Variants in RSF1 observed in about 807,000 individuals in gnomAD.
The protein encoded by RSF1 is remodeling and spacing factor 1.
A neutral mutation model predicts 145.2 loss-of-function variants in RSF1; 13 were observed. The observed-to-expected ratio is 0.09, with a 90% CI of 0.06 to 0.14. RSF1 has a LOEUF of 0.14. Ranked by LOEUF, RSF1 falls within the 10% of genes least tolerant of loss-of-function variation. The pLI is 1.00. For missense variants in RSF1, 1,517 were observed against 1,718.2 expected, an observed-to-expected ratio of 0.88 and a Z score of 2.07; for synonymous variants, 577 against 592.6, an observed-to-expected ratio of 0.97 and a Z score of 0.38.
chr11:77,739,817 T>G (rs1463238467), intron 4 of RSF1, among the ~76,000 whole-genome samples: 1 of 152,232 alleles, frequency 6.6e-6, no homozygotes, highest in Non-Finnish European at 1.5e-5. Context: ...ACACAAAGAT[T>G]CTGTAATAAC....
rs186643575 is a variant in RSF1, at chr11:77,672,415, G to A, written c.3563-185C>T. On this transcript the variant is annotated intron_variant, in intron 14 of 15. Coordinates refer to ENST00000308488, the MANE Select transcript of RSF1 (RefSeq NM_016578.4). ...ACTATCACACAGGCTGGAGTGCAGT[G>A]GCATGAACATGACTCACTACAGCCT... is the stretch of plus-strand genomic sequence containing the variant. Among the ~76,000 whole-genome samples, 927 of 152,216 alleles carry A rather than the reference G, an allele frequency of 6.1e-3. 3 individuals are homozygous for A. The highest frequency in any genetic ancestry group is 9.4e-3 in the Non-Finnish European group (637 of 68,014).
At chr11:77,815,831 C>CT (rs1412742375) in intron 1 of RSF1, among the ~76,000 whole-genome samples, 1 of 152,170 alleles carries the variant, frequency 6.6e-6, no homozygotes, top group East Asian at 1.9e-4. Context: ...AATAACCTCA[C>CT]TAATAAATGC....
At chr11:77,747,917 A>T (rs1948018776) in intron 2 of RSF1, among the ~76,000 whole-genome samples, 1 of 152,214 alleles carries the variant, frequency 6.6e-6, no homozygotes, top group Non-Finnish European at 1.5e-5. Context: ...GTAGGCAAAA[A>T]ATGATACAAA....
At chr11:77,700,349 CAAAAAAAAAAAAAAA>C (rs71046906) in intron 6 of RSF1, among the ~76,000 whole-genome samples, 10 of 47,196 alleles carry the variant, frequency 2.1e-4, no homozygotes, top group African/African-American at 6.2e-4. Flanking sequence ...GACTGTCTCA[CAAAAAAAAAAAAAAA>C]AAAAAAAAAA....
chr11:77,690,651 C>T (rs1308463998), intron 9 of RSF1, among the ~76,000 whole-genome samples: 1 of 152,082 alleles, frequency 6.6e-6, no homozygotes, highest in Non-Finnish European at 1.5e-5. Context: ...AGGCTGACCT[C>T]AGGTGATCTG....
At position 77,672,139 on chromosome 11, in the gene RSF1, T is replaced by C. The variant is rs376046663; in HGVS notation, c.3654A>G (p.Lys1218=). 77 of 1,614,046 alleles carry C rather than the reference T, an allele frequency of 4.8e-5. No individual in the cohort carries two copies. Among genetic ancestry groups the C allele is most frequent in the Non-Finnish European group, 6.3e-5 (74 of 1,180,026 alleles). The part of the protein sequence containing the change: ...RRNQKRQINY[K]EDSESDGSQK... ...GGGAACCGTCACTTTCTGAGTCTTC[T>C]TTGTAGTTAATTTGTCTTTTCTGAT... Residue 1218 remains lysine, a synonymous_variant, in exon 15 of 16, where the codon AAA becomes AAG. Transcript: ENST00000308488.
the RSF1 span, among the ~76,000 whole-genome samples, chr11:77,859,174 A>G: frequency 1.3e-5 from 2 of 152,292 alleles, no homozygotes; most frequent in East Asian, 3.9e-4. Context: ...GAGGTTCCCC[A>G]TTCTATTTCT....
At chr11:77,871,322 C>G in the RSF1 span, among the ~76,000 whole-genome samples, 8 of 152,176 alleles carry the variant, frequency 5.3e-5, no homozygotes, top group East Asian at 1.5e-3. Flanking sequence ...ATAGCTGTCA[C>G]TATTAAGAAC....
chr11:77,868,089 T>C, the RSF1 span, among the ~76,000 whole-genome samples: 3 of 150,646 alleles, frequency 2.0e-5, no homozygotes, highest in Non-Finnish European at 4.4e-5. Context: ...AGAGTCTCGT[T>C]CTATCGCCCA....
intron 5 of RSF1, among the ~76,000 whole-genome samples, chr11:77,705,222 A>G (rs184410877): frequency 6.6e-6 from 1 of 152,334 alleles, no homozygotes; most frequent in Admixed American, 6.5e-5. Context: ...ATTTTCCCAA[A>G]GTTTGTCAAA....
At chr11:77,864,222 TG>T in the RSF1 span, among the ~76,000 whole-genome samples, 1 of 151,798 alleles carries the variant, frequency 6.6e-6, no homozygotes, top group Non-Finnish European at 1.5e-5. Flanking sequence ...CCACCGCTCC[TG>T]GCCAAGATGA....
In RSF1 at chr11:77,660,348, T is replaced by C. The variant is rs1041113942; in HGVS notation, c.*6569A>G. ...TAAGCTACCAAGAATTCCCATACTT[T>C]TAATGCACAATTTACTTTGCGTGTT... On this transcript the variant is annotated 3_prime_UTR_variant, in exon 16 of 16. Coordinates refer to ENST00000308488, the MANE Select transcript of RSF1 (RefSeq NM_016578.4). 1 of 152,180 alleles carries C rather than the reference T, an allele frequency of 6.6e-6. No homozygotes were observed. Among genetic ancestry groups the C allele is most frequent in the African/African-American group, 2.4e-5 (1 of 41,454 alleles). 9.4% of individuals were successfully genotyped at this position (152,180 alleles called of 1,614,324 possible).
intron 5 of RSF1, among the ~76,000 whole-genome samples, chr11:77,706,432 TTTTTTC>T (rs1960552378): frequency 6.6e-6 from 1 of 152,186 alleles, no homozygotes; most frequent in Admixed American, 6.5e-5. Flanking sequence ...GTGAGGATTT[TTTTTTC>T]TTTTTATCTT....
the RSF1 span, among the ~76,000 whole-genome samples, chr11:77,867,585 A>C: frequency 6.6e-6 from 1 of 152,224 alleles, no homozygotes; most frequent in African/African-American, 2.4e-5. Flanking sequence ...GAATGAAAGG[A>C]TAGAGGTATA....
intron 8 of RSF1, among the ~76,000 whole-genome samples, chr11:77,692,826 T>G (rs1960190105): frequency 1.3e-5 from 2 of 152,004 alleles, no homozygotes; most frequent in South Asian, 4.2e-4. Context: ...TAAAGGCGTG[T>G]GCCACCACGC....
At chr11:77,798,618 A>C (rs1317236908) in intron 1 of RSF1, among the ~76,000 whole-genome samples, 1 of 139,066 alleles carries the variant, frequency 7.2e-6, no homozygotes, top group African/African-American at 2.7e-5. Context: ...AAAAAAAAAA[A>C]AAAAGGCACA....
upstream of RSF1, among the ~76,000 whole-genome samples, chr11:77,823,978 A>G (rs147518994): frequency 6.6e-6 from 1 of 152,214 alleles, no homozygotes; most frequent in Non-Finnish European, 1.5e-5. Flanking sequence ...CTGTTAGTCA[A>G]ACAGACTGAT....
rs67875187 is a variant in RSF1 at position 77,819,907 on chromosome 11, T to A, written c.187+621A>T. Among the ~76,000 whole-genome samples the A allele has an allele frequency of 8.0e-5, 12 of 150,898 alleles. No individual in the cohort carries two copies. The South Asian group carries it at 1.5e-3, about 18-fold the overall frequency. Reference sequence around the variant, plus strand: ...TGGGGGAGGAGCAGACCTCCCCACTTCAAGGAAGGAGTTTTAGGGGTTAAA... The same window carrying A: ...TGGGGGAGGAGCAGACCTCCCCACTACAAGGAAGGAGTTTTAGGGGTTAAA... On this transcript the variant is annotated intron_variant, in intron 1 of 15. Coordinates refer to ENST00000308488, the MANE Select transcript of RSF1 (RefSeq NM_016578.4).
At chr11:77,862,272 G>A in the RSF1 span, among the ~76,000 whole-genome samples, 1 of 152,172 alleles carries the variant, frequency 6.6e-6, no homozygotes, top group Non-Finnish European at 1.5e-5. Flanking sequence ...CTCTCGGGCT[G>A]CAGTTATGAT....
Sources: allele counts gnomAD v4.1 joint callset (sites outside exome capture counted in the v4.1 genomes callset), GRCh38; gene constraint gnomAD v4.1.1; transcripts MANE v1.5; gene names NCBI Gene and HGNC (gene_info 2026-07-23, HGNC 2026-07-21).